The following RBFOX1 variants were observed in gnomAD, a reference collection of about 807,000 sequenced individuals.
The protein encoded by RBFOX1 is RNA binding fox-1 homolog 1, also known as RNA binding protein fox-1 homolog 1.
Under a neutral mutation model 57.7 loss-of-function variants are expected in RBFOX1, and 8 were observed. The ratio of observed to expected loss-of-function variants is 0.14; its 90% CI spans 0.08 to 0.25. The LOEUF (loss-of-function observed/expected upper bound fraction) is 0.25, where lower values mean the gene tolerates loss of function less well. Among genes scored for constraint, RBFOX1 ranks in the 10% least tolerant of loss-of-function variants. The pLI, the probability that RBFOX1 is intolerant of heterozygous loss-of-function variation, is 1.00. For missense variants in RBFOX1, 611 were observed against 548.5 expected (o/e 1.11, Z -1.14); for synonymous variants, 326 against 222.4 (o/e 1.47, Z -4.15).
chr16:7,665,081 T>C, intron 13 of RBFOX1, 113 bp downstream of exon 13: 5 of 1,596,730 alleles, frequency 3.1e-6, no homozygotes, highest in Non-Finnish European at 4.3e-6. Context: ...CCTTGGTCTG[T>C]AGGAAATAAT....
intron 2 of RBFOX1, among the ~76,000 whole-genome samples, chr16:5,537,824 T>G (rs2044760489): frequency 6.6e-6 from 1 of 152,232 alleles, no homozygotes; most frequent in Non-Finnish European, 1.5e-5. Context: ...TCTCCTTCTC[T>G]CAAGCTGTAT....
intron 3 of RBFOX1, among the ~76,000 whole-genome samples, chr16:6,846,790 TTTTA>T (rs1170915652): frequency 1.3e-5 from 2 of 152,152 alleles, no homozygotes; most frequent in African/African-American, 2.4e-5. Flanking sequence ...CTTTCTTATT[TTTTA>T]TTTATTCATT....
chr16:7,202,549 G>T (rs148456048), intron 4 of RBFOX1, among the ~76,000 whole-genome samples: 110 of 152,294 alleles, frequency 7.2e-4, no homozygotes, highest in African/African-American at 2.6e-3. Context: ...CCGGTGTATG[G>T]CCTGTTAGGA....
chr16:5,499,043 C>T (rs1461553793), intron 2 of RBFOX1, among the ~76,000 whole-genome samples: 1 of 152,168 alleles, frequency 6.6e-6, no homozygotes, highest in Non-Finnish European at 1.5e-5. Flanking sequence ...CCTGGGATCT[C>T]AATATGCACA....
chr16:5,795,960 C>G (rs1051404122), intron 3 of RBFOX1, among the ~76,000 whole-genome samples: 4 of 152,200 alleles, frequency 2.6e-5, no homozygotes, highest in Admixed American at 2.0e-4. Flanking sequence ...TAGTCCCCAC[C>G]TTTTCAAAGA....
chr16:7,185,488 G>A (rs2083538566), intron 4 of RBFOX1, among the ~76,000 whole-genome samples: 2 of 152,156 alleles, frequency 1.3e-5, no homozygotes, highest in South Asian at 4.1e-4. Context: ...TGCCTCCAGT[G>A]ATATTGCATC....
chr16:6,547,292 T>C (rs567362478), intron 2 of RBFOX1, among the ~76,000 whole-genome samples: 4 of 152,338 alleles, frequency 2.6e-5, no homozygotes, highest in East Asian at 3.9e-4. Flanking sequence ...TGGTGATTTA[T>C]AATCACATTC....
At chr16:7,705,100 C>A (rs1451907876) in intron 14 of RBFOX1, among the ~76,000 whole-genome samples, 1 of 150,568 alleles carries the variant, frequency 6.6e-6, no homozygotes, top group Non-Finnish European at 1.5e-5. Flanking sequence ...CTCTTCATCT[C>A]TCTAGGGAAG....
intron 10 of RBFOX1, among the ~76,000 whole-genome samples, chr16:7,618,909 T>C (rs944958645): frequency 2.0e-5 from 3 of 152,320 alleles, no homozygotes; most frequent in African/African-American, 7.2e-5. Context: ...TATGAAAAAT[T>C]AATAAAGCCA....
intron 5 of RBFOX1, among the ~76,000 whole-genome samples, chr16:7,532,921 G>T (rs1296515643): frequency 6.6e-6 from 1 of 152,230 alleles, no homozygotes; most frequent in South Asian, 2.1e-4. Context: ...CCTGCTGGCT[G>T]CATTCAGGCA....
intron 4 of RBFOX1, among the ~76,000 whole-genome samples, chr16:7,251,998 A>G (rs2094515627): frequency 6.6e-6 from 1 of 152,226 alleles, no homozygotes; most frequent in Non-Finnish European, 1.5e-5. Context: ...TTCAAGGAAA[A>G]TGCAAAAGCT....
chr16:7,225,755 G>T (rs1026788377), intron 4 of RBFOX1, among the ~76,000 whole-genome samples: 30 of 102,502 alleles, frequency 2.9e-4, no homozygotes, highest in African/African-American at 1.1e-3. Context: ...CAGACATTTG[G>T]GGGTGGGGGG....
chr16:7,615,974 G>T (rs188842023), intron 10 of RBFOX1, among the ~76,000 whole-genome samples: 1 of 152,318 alleles, frequency 6.6e-6, no homozygotes, highest in Admixed American at 6.5e-5. Flanking sequence ...ATGAACAGCT[G>T]CAGTCATCAA....
At chr16:7,486,716 GA>G (rs2065492877) in intron 4 of RBFOX1, among the ~76,000 whole-genome samples, 1 of 152,096 alleles carries the variant, frequency 6.6e-6, no homozygotes, top group Admixed American at 6.5e-5. Context: ...CAGATGCTAA[GA>G]AGCAAGTCAT....
chr16:7,275,193 C>G lies in RBFOX1; in HGVS notation c.27+223095C>G, dbSNP rs147194971. On this transcript the variant is annotated intron_variant, in intron 4 of 15. Transcript: ENST00000550418. ...TAGAGGGAGAGAGGAAGGGAGAAAA[C>G]AGACAATCGACATCACATGCTACAC... Among the ~76,000 whole-genome samples, 756 of 152,122 alleles carry G rather than the reference C, an allele frequency of 5.0e-3. 9 individuals carry two copies. Among genetic ancestry groups the G allele is most frequent in the African/African-American group, 0.017 (708 of 41,478 alleles).
chr16:7,450,089 A>G (rs2098839798), intron 4 of RBFOX1, among the ~76,000 whole-genome samples: 1 of 152,148 alleles, frequency 6.6e-6, no homozygotes, highest in Non-Finnish European at 1.5e-5. Context: ...AACTCAATCT[A>G]AAGTATAAAT....
intron 1 of RBFOX1, among the ~76,000 whole-genome samples, chr16:6,189,897 G>A (rs957266932): frequency 6.6e-6 from 1 of 152,158 alleles, no homozygotes; most frequent in African/African-American, 2.4e-5. Context: ...TGCTTTGGTT[G>A]CCTGTGCTTG....
intron 4 of RBFOX1, among the ~76,000 whole-genome samples, chr16:7,171,781 C>G (rs990645325): frequency 6.6e-6 from 1 of 152,144 alleles, no homozygotes; most frequent in Non-Finnish European, 1.5e-5. Flanking sequence ...ATCAAAGTTC[C>G]CAGGTGCTTT....
At chr16:7,061,814 C>T (rs891661016) in intron 4 of RBFOX1, among the ~76,000 whole-genome samples, 3 of 152,156 alleles carry the variant, frequency 2.0e-5, no homozygotes, top group Non-Finnish European at 4.4e-5. Context: ...GACTTGTCTT[C>T]CTGCTCTGTT....
Sources: allele counts gnomAD v4.1 joint callset (sites outside exome capture counted in the v4.1 genomes callset), GRCh38; gene constraint gnomAD v4.1.1; transcripts MANE v1.5; gene names NCBI Gene and HGNC (gene_info 2026-07-23, HGNC 2026-07-21).